The following VRK2 variants were observed in gnomAD, a reference collection of about 807,000 sequenced individuals.
VRK2 encodes serine/threonine-protein kinase VRK2.
VRK2 carries 60 observed loss-of-function variants against 57.6 expected under a neutral mutation model. The observed-to-expected ratio is 1.04, with a 90% CI of 0.85 to 1.29. The LOEUF (loss-of-function observed/expected upper bound fraction) is 1.29, where lower values mean the gene tolerates loss of function less well. Ranked by LOEUF, VRK2 falls within the 50% of genes most tolerant of loss-of-function variation. VRK2 has a pLI of 0.00. For synonymous variants in VRK2, 231 were observed against 199.2 expected, an observed-to-expected ratio of 1.16 and a Z score of -1.35; for missense variants, 705 against 588.1, an observed-to-expected ratio of 1.20 and a Z score of -2.06.
At chr2:58,102,721 A>G (rs1325768115) in intron 7 of VRK2, among the ~76,000 whole-genome samples, 3 of 151,558 alleles carry the variant, frequency 2.0e-5, no homozygotes, top group Non-Finnish European at 4.4e-5. Flanking sequence ...CAAGGAAACT[A>G]GACTTAATTG....
intron 1 of VRK2, among the ~76,000 whole-genome samples, chr2:57,926,951 C>T (rs1670558183): frequency 6.7e-6 from 1 of 148,368 alleles, no homozygotes; most frequent in African/African-American, 2.5e-5. Context: ...TTCTTCCTGT[C>T]TTCCTTTTAG....
At chr2:58,123,255 C>T (rs749559998) in intron 8 of VRK2, 22 bp downstream of exon 8, 10 of 1,570,726 alleles carry the variant, frequency 6.4e-6, no homozygotes, top group Admixed American at 4.3e-5. Flanking sequence ...TTTTCTTTTT[C>T]TTATTTTTAT....
Position 58,128,892 on chromosome 2 carries a change from G to A in VRK2, c.677-2916G>A, listed in dbSNP as rs74546830. 1.3e-3 allele frequency among the ~76,000 whole-genome samples: 191 copies of A among 152,166 alleles called. 2 individuals carry two copies. In the East Asian group the frequency reaches 0.035, roughly 28 times the overall value. On this transcript the variant is annotated intron_variant, in intron 8 of 12. Coordinates refer to ENST00000340157, the MANE Select transcript of VRK2 (RefSeq NM_006296.7). ...TCAATTGTTTTTATTTTAATTATGCGTTCTACTATCAGCCATTTCTAAAAT... is the reference window on the plus strand; with the variant it reads ...TCAATTGTTTTTATTTTAATTATGCATTCTACTATCAGCCATTTCTAAAAT...
chr2:58,159,793 G>T lies in VRK2; in HGVS notation c.*100G>T. The T allele has an allele frequency of 6.2e-7, 1 of 1,612,856 alleles. No homozygotes were observed. Among genetic ancestry groups the T allele is most frequent in the Non-Finnish European group, 8.5e-7 (1 of 1,179,506 alleles). ...GTGTTTCCTTCCAGACATTTTTAAGGTAATTGGCTTTAAAAAGAGAACATA... is the reference window on the plus strand; with the variant it reads ...GTGTTTCCTTCCAGACATTTTTAAGTTAATTGGCTTTAAAAAGAGAACATA... On this transcript the variant is annotated 3_prime_UTR_variant, in exon 13 of 13. Transcript: ENST00000340157.
chr2:58,084,500 A>T (rs1671340632), intron 3 of VRK2, among the ~76,000 whole-genome samples: 1 of 151,816 alleles, frequency 6.6e-6, no homozygotes, highest in African/African-American at 2.4e-5. Context: ...CCATTCAGTA[A>T]AGGTATCATG....
intron 1 of VRK2, among the ~76,000 whole-genome samples, chr2:57,988,943 C>T (rs1049153013): frequency 6.6e-6 from 1 of 152,164 alleles, no homozygotes; most frequent in Non-Finnish European, 1.5e-5. Context: ...ATTGGGGTTG[C>T]ACATTCTAGC....
At chr2:57,911,893 C>T (rs552737263) in intron 1 of VRK2, among the ~76,000 whole-genome samples, 1 of 152,252 alleles carries the variant, frequency 6.6e-6, no homozygotes, top group East Asian at 1.9e-4. Context: ...ATGTATAAGA[C>T]TTAATGCTAT....
intron 7 of VRK2, among the ~76,000 whole-genome samples, chr2:58,109,220 C>G (rs973055443): frequency 6.6e-6 from 1 of 152,080 alleles, no homozygotes; most frequent in African/African-American, 2.4e-5. Context: ...AGAGTAGGTG[C>G]TGTTATGGAT....
chr2:58,159,300 G>A (rs768416928), intron 12 of VRK2, 49 bp from the exon 13 acceptor site: 2 of 1,392,870 alleles, frequency 1.4e-6, no homozygotes, highest in Non-Finnish European at 2.0e-6. Flanking sequence ...ATAAATACTT[G>A]GATAACTCAC....
intron 1 of VRK2, among the ~76,000 whole-genome samples, chr2:57,934,990 A>G (rs1219097253): frequency 1.3e-5 from 2 of 152,070 alleles, no homozygotes; most frequent in African/African-American, 4.8e-5. Flanking sequence ...ATTTCATTGA[A>G]TTGTCTATCT....
intron 5 of VRK2, among the ~76,000 whole-genome samples, chr2:58,087,949 T>A (rs1453674849): frequency 2.0e-5 from 3 of 152,084 alleles, no homozygotes; most frequent in African/African-American, 7.2e-5. Context: ...ATTGCACCAC[T>A]GCACTCCAGC....
At chr2:58,044,793 A>C (rs952910831), upstream of VRK2, among the ~76,000 whole-genome samples, 2 of 152,210 alleles carry the variant, frequency 1.3e-5, no homozygotes, top group African/African-American at 4.8e-5. Context: ...AGAGAGTAAT[A>C]GGACATTGGG....
chr2:58,080,333 T>C (rs1309859015), intron 2 of VRK2, among the ~76,000 whole-genome samples: 1 of 151,932 alleles, frequency 6.6e-6, no homozygotes, highest in Non-Finnish European at 1.5e-5. Flanking sequence ...TTTAGATGGG[T>C]TTGAAAAGAA....
At chr2:58,143,412 A>G (rs76569295) in intron 11 of VRK2, among the ~76,000 whole-genome samples, 10,469 of 151,970 alleles carry the variant, frequency 0.069, 428 homozygotes, top group Middle Eastern at 0.1. Flanking sequence ...TGTGTTCACT[A>G]TCATCTACTT....
intron 12 of VRK2, among the ~76,000 whole-genome samples, chr2:58,158,471 T>G (rs1457020452): frequency 6.6e-6 from 1 of 152,138 alleles, no homozygotes; most frequent in Non-Finnish European, 1.5e-5. Flanking sequence ...GGAGGGCTGT[T>G]TGTTTGAAGG....
intron 12 of VRK2, among the ~76,000 whole-genome samples, chr2:58,151,807 C>CATAGT (rs1683124404): frequency 7.8e-6 from 1 of 127,456 alleles, no homozygotes; most frequent in East Asian, 2.4e-4. Context: ...AGCTCCATAG[C>CATAGT]CTATGGGCCA....
In VRK2 at chr2:58,029,641, T is replaced by C. The variant is rs114873480; in HGVS notation, c.-332-3586T>C. Among the ~76,000 whole-genome samples, 362 of 152,262 alleles carry C rather than the reference T, an allele frequency of 2.4e-3. 1 individual carries two copies. The highest frequency in any genetic ancestry group is 3.4e-3 in the Middle Eastern group (1 of 294). On this transcript the variant is annotated intron_variant, in intron 2 of 15. Transcript: ENST00000417641. ...AGATTAAATTATTCCAATTGCTACA[T>C]TGAGGCAGACATAGACTCCCTCCCC...
chr2:57,960,938 C>T (rs776166499), intron 1 of VRK2, among the ~76,000 whole-genome samples: 2 of 152,206 alleles, frequency 1.3e-5, no homozygotes, highest in East Asian at 3.8e-4. Context: ...GTTACCAGCT[C>T]TTCCACTGGG....
At chr2:58,026,099 A>G (rs1673915948) in intron 2 of VRK2, among the ~76,000 whole-genome samples, 3 of 152,114 alleles carry the variant, frequency 2.0e-5, no homozygotes, top group Admixed American at 2.0e-4. Context: ...CCCTCTTTCA[A>G]TGTACTCTGT....
Sources: allele counts gnomAD v4.1 joint callset (sites outside exome capture counted in the v4.1 genomes callset), GRCh38; gene constraint gnomAD v4.1.1; transcripts MANE v1.5; gene names NCBI Gene and HGNC (gene_info 2026-07-23, HGNC 2026-07-21).